The following UST variants were observed in gnomAD, a reference collection of about 807,000 sequenced individuals.
The protein encoded by UST is uronyl 2-sulfotransferase.
In UST, 21 loss-of-function variants were observed where a neutral mutation model predicts 45.6. The ratio of observed to expected loss-of-function variants is 0.46; its 90% CI spans 0.33 to 0.66. The LOEUF is 0.66. UST is among the 30% of genes least tolerant of loss of function. The pLI, the probability that UST is intolerant of heterozygous loss-of-function variation, is 0.02. For missense variants in UST, 463 were observed against 512.4 expected (o/e 0.90, Z 0.93); for synonymous variants, 215 against 200.6 (o/e 1.07, Z -0.61).
intron 1 of UST, among the ~76,000 whole-genome samples, chr6:148,856,577 G>A (rs535808296): frequency 3.2e-4 from 49 of 152,216 alleles, no homozygotes; most frequent in Non-Finnish European, 3.7e-4. Flanking sequence ...GTGACTAGGC[G>A]GTAGCTACCT....
intron 1 of UST, among the ~76,000 whole-genome samples, chr6:148,826,675 C>T (rs1161235586): frequency 1.3e-5 from 2 of 152,126 alleles, no homozygotes; most frequent in Non-Finnish European, 2.9e-5. Flanking sequence ...CAAATTGTCA[C>T]AAATTAAGTG....
intron 2 of UST, among the ~76,000 whole-genome samples, chr6:148,935,969 A>G (rs1188729072): frequency 6.6e-5 from 10 of 152,230 alleles, no homozygotes; most frequent in Non-Finnish European, 1.0e-4. Context: ...CAGTGTATTC[A>G]ATGAGGTTGG....
intron 1 of UST, among the ~76,000 whole-genome samples, chr6:148,845,786 G>A (rs1777974417): frequency 6.6e-6 from 1 of 152,102 alleles, no homozygotes; most frequent in Non-Finnish European, 1.5e-5. Context: ...TATTTAAAAA[G>A]TTTTATGCTA....
At chr6:148,977,936 C>A (rs936612315) in intron 5 of UST, among the ~76,000 whole-genome samples, 1 of 152,066 alleles carries the variant, frequency 6.6e-6, no homozygotes, top group Non-Finnish European at 1.5e-5. Flanking sequence ...TTTCCATTTG[C>A]TCAGAACTTC....
intron 1 of UST, among the ~76,000 whole-genome samples, chr6:148,765,016 A>G (rs1426212335): frequency 6.6e-6 from 1 of 152,116 alleles, no homozygotes. Flanking sequence ...TCTTTTCCCA[A>G]CGCTGTTAAT....
chr6:148,946,510 C>CAAAAAAAAAAAAAAAAA lies in UST; in HGVS notation c.447+5079_447+5095dup, dbSNP rs71007930. Among the ~76,000 whole-genome samples, 54 of 33,934 alleles carry CAAAAAAAAAAAAAAAAA rather than the reference C, an allele frequency of 1.6e-3. 3 individuals are homozygous for CAAAAAAAAAAAAAAAAA. The highest frequency in any genetic ancestry group is 1.9e-3 in the Non-Finnish European group (37 of 19,038). The allele number at this position is 33,934 out of a possible 152,430, so 22.3% of individuals were successfully genotyped here. Reference sequence around the variant, plus strand: ...TGGGCGACAGAGCAAGACTCCATCTCAAAAAAAAAAAAAAAAAAAGGCCGG... The same window carrying CAAAAAAAAAAAAAAAAA: ...TGGGCGACAGAGCAAGACTCCATCTCAAAAAAAAAAAAAAAAAAAAAAAAAAAAAAAAAAAAGGCCGG... On this transcript the variant is annotated intron_variant, in intron 3 of 7. Coordinates refer to ENST00000367463, the MANE Select transcript of UST (RefSeq NM_005715.3).
At chr6:148,796,701 G>A (rs1485691639) in intron 1 of UST, among the ~76,000 whole-genome samples, 1 of 150,624 alleles carries the variant, frequency 6.6e-6, no homozygotes, top group Non-Finnish European at 1.5e-5. Flanking sequence ...ATACCCGTTA[G>A]GCTTCAAGGT....
chr6:149,017,276 C>T (rs1775914478), intron 5 of UST, among the ~76,000 whole-genome samples: 1 of 151,890 alleles, frequency 6.6e-6, no homozygotes. Flanking sequence ...ACTCGGGAGG[C>T]TGAGGCAGGA....
intron 5 of UST, among the ~76,000 whole-genome samples, chr6:148,979,172 G>A (rs889956032): frequency 1.3e-5 from 2 of 152,176 alleles, no homozygotes; most frequent in Non-Finnish European, 1.5e-5. Flanking sequence ...AAATTCAAGT[G>A]TGTCCTTTCT....
At chr6:148,826,407 C>T (rs975617518) in intron 1 of UST, among the ~76,000 whole-genome samples, 5 of 151,646 alleles carry the variant, frequency 3.3e-5, no homozygotes, top group Admixed American at 3.3e-4. Context: ...GCCATGGTGC[C>T]CAGGCTCCTG....
At chr6:148,977,857 G>A (rs1201358268) in intron 5 of UST, among the ~76,000 whole-genome samples, 2 of 151,944 alleles carry the variant, frequency 1.3e-5, no homozygotes, top group East Asian at 1.9e-4. Context: ...TTTACTTTGA[G>A]CTTTAGATTA....
At chr6:149,012,801 A>C (rs538052044) in intron 5 of UST, among the ~76,000 whole-genome samples, 34 of 138,918 alleles carry the variant, frequency 2.4e-4, no homozygotes, top group African/African-American at 9.6e-4. Flanking sequence ...CAGAGTCACT[A>C]TTTAAAAAAA....
intron 1 of UST, among the ~76,000 whole-genome samples, chr6:148,775,638 TTGG>T (rs1562564072): frequency 2.2e-5 from 3 of 133,628 alleles, no homozygotes; most frequent in Admixed American, 7.6e-5. Context: ...TTTTTTTTTT[TTGG>T]GGCGGGGAGA....
At chr6:148,831,075 G>A (rs917864075) in intron 1 of UST, among the ~76,000 whole-genome samples, 1 of 147,704 alleles carries the variant, frequency 6.8e-6, no homozygotes, top group East Asian at 2.3e-4. Context: ...AAAGGGGGGG[G>A]TGGGAAGAAT....
intron 5 of UST, among the ~76,000 whole-genome samples, chr6:148,980,369 A>T (rs1490867448): frequency 6.6e-6 from 1 of 151,484 alleles, no homozygotes; most frequent in East Asian, 1.9e-4. Context: ...ACTTTTTTCA[A>T]CTCTCCCATA....
rs1330631529 is a variant in UST at position 148,923,896 on chromosome 6, A to C, written c.292-17383A>C. Among the ~76,000 whole-genome samples the C allele has an allele frequency of 3.3e-5, 5 of 152,278 alleles. No homozygotes were observed. In the East Asian group the frequency reaches 9.6e-4, roughly 29 times the overall value. On this transcript the variant is annotated intron_variant, in intron 2 of 7. Transcript: ENST00000367463. ...AGCTGGGCTGAGGGCTCTGACATTC[A>C]ACAAAGGATTTAATGCCCCTGGACC...
chr6:148,954,823 G>A (rs1562311422), intron 4 of UST, among the ~76,000 whole-genome samples: 1 of 152,184 alleles, frequency 6.6e-6, no homozygotes, highest in Non-Finnish European at 1.5e-5. Context: ...TGATAACAAT[G>A]CAAATCTTCA....
chr6:148,813,103 T>A (rs1054425367), intron 1 of UST, among the ~76,000 whole-genome samples: 1 of 152,220 alleles, frequency 6.6e-6, no homozygotes, highest in Non-Finnish European at 1.5e-5. Flanking sequence ...GATTTTCTTA[T>A]GTGTTTGTAT....
intron 2 of UST, among the ~76,000 whole-genome samples, chr6:148,923,824 T>C (rs958075826): frequency 2.0e-5 from 3 of 152,138 alleles, no homozygotes; most frequent in African/African-American, 4.8e-5. Context: ...TGTACTTGGA[T>C]TGTAGTTGGT....
Sources: allele counts gnomAD v4.1 joint callset (sites outside exome capture counted in the v4.1 genomes callset), GRCh38; gene constraint gnomAD v4.1.1; transcripts MANE v1.5; gene names NCBI Gene and HGNC (gene_info 2026-07-23, HGNC 2026-07-21).